The following PLGRKT variants were observed in gnomAD, a reference collection of about 807,000 sequenced individuals.
PLGRKT encodes plasminogen receptor with a C-terminal lysine.
In PLGRKT, 22 loss-of-function variants were observed where a neutral mutation model predicts 18.5. That is an observed-to-expected ratio of 1.19 (90% CI 0.85 to 1.70). The LOEUF (loss-of-function observed/expected upper bound fraction) is 1.70. Among genes scored for constraint, PLGRKT ranks in the 40% most tolerant of loss-of-function variants. PLGRKT has a pLI of 0.00. For missense variants in PLGRKT, 235 were observed against 174.4 expected (o/e 1.35, Z -1.96); for synonymous variants, 72 against 52.8 (o/e 1.36, Z -1.58).
intron 4 of PLGRKT, 49 bp from the exon 5 acceptor site, chr9:5,361,236 A>T (rs750914334): frequency 1.9e-6 from 2 of 1,055,640 alleles, no homozygotes; most frequent in Admixed American, 4.1e-5. Context: ...TAACCTGTAA[A>T]TACATATCTG....
At chr9:5,385,987 C>A (rs1263698469) in intron 3 of PLGRKT, among the ~76,000 whole-genome samples, 1 of 151,674 alleles carries the variant, frequency 6.6e-6, no homozygotes, top group African/African-American at 2.4e-5. Flanking sequence ...TTCCTTATGT[C>A]AGACTTCATC....
At chr9:5,423,386 T>C (rs1234384088) in intron 3 of PLGRKT, among the ~76,000 whole-genome samples, 1 of 152,306 alleles carries the variant, frequency 6.6e-6, no homozygotes, top group Middle Eastern at 3.4e-3. Flanking sequence ...TTTTTATAAT[T>C]ATATTTGGAA....
rs546143363 is a variant in PLGRKT, at chr9:5,384,275, A to C, written c.82-22387T>G. ...GGAAAGGAAACTGAGAAGGAAATGAAAAACGGTCAGGGGATCAGAACAGAA... is the reference window on the plus strand; with the variant it reads ...GGAAAGGAAACTGAGAAGGAAATGACAAACGGTCAGGGGATCAGAACAGAA... On this transcript the variant is annotated intron_variant, in intron 3 of 5. Transcript: ENST00000223864. Among the ~76,000 whole-genome samples the C allele has an allele frequency of 9.8e-5, 15 of 152,368 alleles. No individual in the cohort carries two copies. In the South Asian group the frequency reaches 2.9e-3, roughly 29 times the overall value.
chr9:5,416,183 A>G (rs1818455465), intron 3 of PLGRKT, among the ~76,000 whole-genome samples: 1 of 152,034 alleles, frequency 6.6e-6, no homozygotes, highest in South Asian at 2.1e-4. Context: ...GAGTTTATTC[A>G]AGTCTAATAA....
intron 3 of PLGRKT, among the ~76,000 whole-genome samples, chr9:5,383,754 C>T (rs1200647055): frequency 6.6e-6 from 1 of 152,150 alleles, no homozygotes; most frequent in South Asian, 2.1e-4. Flanking sequence ...CTTGATCTGG[C>T]AGGAGGTGGA....
At chr9:5,423,838 A>G (rs1818622943) in intron 3 of PLGRKT, among the ~76,000 whole-genome samples, 1 of 138,754 alleles carries the variant, frequency 7.2e-6, no homozygotes, top group African/African-American at 2.8e-5. Context: ...GAATAGCTGG[A>G]ACTATAGGCA....
chr9:5,431,779 G>T, intron 3 of PLGRKT, 118 bp downstream of exon 3: 1 of 608,518 alleles, frequency 1.6e-6, no homozygotes, highest in South Asian at 2.1e-5. Flanking sequence ...TGGTTTTAAG[G>T]ATGCAGCCCA....
chr9:5,435,323 A>AC, intron 2 of PLGRKT, among the ~76,000 whole-genome samples: 1 of 145,638 alleles, frequency 6.9e-6, no homozygotes, highest in African/African-American at 2.6e-5. Flanking sequence ...ATAAATACTA[A>AC]AAAAAAAAAA....
At chr9:5,389,381 A>C (rs1000982962) in intron 3 of PLGRKT, among the ~76,000 whole-genome samples, 2 of 151,864 alleles carry the variant, frequency 1.3e-5, no homozygotes, top group African/African-American at 4.9e-5. Flanking sequence ...GTCTTGTCTG[A>C]TGGTGCTGAT....
intron 3 of PLGRKT, among the ~76,000 whole-genome samples, chr9:5,419,795 T>C (rs1290047258): frequency 6.6e-6 from 1 of 152,196 alleles, no homozygotes; most frequent in Non-Finnish European, 1.5e-5. Flanking sequence ...ACTGTGGCCA[T>C]GGTGGAAAAG....
chr9:5,403,232 T>C lies in PLGRKT; in HGVS notation c.81+28665A>G, dbSNP rs554339583. Among the ~76,000 whole-genome samples, 180 of 150,806 alleles carry C rather than the reference T, an allele frequency of 1.2e-3. 2 individuals carry two copies. Among genetic ancestry groups the C allele is most frequent in the Non-Finnish European group, 2.2e-3 (148 of 67,730 alleles). On this transcript the variant is annotated intron_variant, in intron 3 of 5. Coordinates refer to ENST00000223864, the MANE Select transcript of PLGRKT (RefSeq NM_018465.4). ...CTAAATGATTCTTTTTTCTTTTTTTTTTTTTTTTGAGATGGAGTTTTGCTC... is the reference window on the plus strand; with the variant it reads ...CTAAATGATTCTTTTTTCTTTTTTTCTTTTTTTTGAGATGGAGTTTTGCTC...
At chr9:5,362,218 T>C (rs527751440) in intron 3 of PLGRKT, among the ~76,000 whole-genome samples, 1 of 152,334 alleles carries the variant, frequency 6.6e-6, no homozygotes, top group East Asian at 1.9e-4. Context: ...GATCTATGGG[T>C]CTTTAAATGT....
At chr9:5,380,155 G>A (rs1817711540) in intron 3 of PLGRKT, among the ~76,000 whole-genome samples, 1 of 152,088 alleles carries the variant, frequency 6.6e-6, no homozygotes, top group South Asian at 2.1e-4. Flanking sequence ...ACGAGGTCAG[G>A]AGATTGAGAT....
At chr9:5,370,579 T>C (rs1817494590) in intron 3 of PLGRKT, among the ~76,000 whole-genome samples, 2 of 152,178 alleles carry the variant, frequency 1.3e-5, no homozygotes, top group Admixed American at 6.5e-5. Flanking sequence ...GACAGAAAAG[T>C]TTGGTTTTTA....
chr9:5,424,612 T>A (rs1254079386), intron 3 of PLGRKT, among the ~76,000 whole-genome samples: 2 of 133,214 alleles, frequency 1.5e-5, no homozygotes, highest in East Asian at 4.0e-4. Context: ...AATATATTAT[T>A]TATTATATTA....
chr9:5,363,443 C>A (rs577544908), intron 3 of PLGRKT, among the ~76,000 whole-genome samples: 4 of 151,872 alleles, frequency 2.6e-5, no homozygotes, highest in Non-Finnish European at 5.9e-5. Context: ...TGGTAGGCCA[C>A]CTGCTCTCAA....
chr9:5,432,895 T>G lies in PLGRKT; in HGVS notation c.-6-912A>C, dbSNP rs563534273. Among the ~76,000 whole-genome samples, 20 of 152,244 alleles carry G rather than the reference T, an allele frequency of 1.3e-4. No homozygotes were observed. The East Asian group carries it at 3.5e-3, about 26-fold the overall frequency. ...CCTTGGCCTCCCAAAGTGCTAAGAT[T>G]ACAGCCTCTGCCCGCCCGCCACTCC... On this transcript the variant is annotated intron_variant, in intron 2 of 5. Coordinates refer to ENST00000223864, the MANE Select transcript of PLGRKT (RefSeq NM_018465.4).
At chr9:5,393,276 C>T (rs1046416824) in intron 3 of PLGRKT, among the ~76,000 whole-genome samples, 1 of 151,816 alleles carries the variant, frequency 6.6e-6, no homozygotes, top group African/African-American at 2.4e-5. Flanking sequence ...TACACAATAA[C>T]AAGAAATAGC....
chr9:5,405,357 ATAC>A (rs1818235658), intron 3 of PLGRKT, among the ~76,000 whole-genome samples: 1 of 152,242 alleles, frequency 6.6e-6, no homozygotes, highest in African/African-American at 2.4e-5. Context: ...ACTTCAAACT[ATAC>A]TACAAGGTTA....
Sources: allele counts gnomAD v4.1 joint callset (sites outside exome capture counted in the v4.1 genomes callset), GRCh38; gene constraint gnomAD v4.1.1; transcripts MANE v1.5; gene names NCBI Gene and HGNC (gene_info 2026-07-23, HGNC 2026-07-21).